Variants in TSPAN9 observed in about 807,000 individuals in gnomAD.
TSPAN9 encodes tetraspanin-9.
TSPAN9 carries 16 observed loss-of-function variants against 31.0 expected under a neutral mutation model. The ratio of observed to expected loss-of-function variants is 0.52; its 90% CI spans 0.35 to 0.78. The LOEUF (loss-of-function observed/expected upper bound fraction) is 0.78, where lower values mean the gene tolerates loss of function less well. Ranked by LOEUF, TSPAN9 falls within the 30% of genes least tolerant of loss-of-function variation. TSPAN9 has a pLI of 0.01. For synonymous variants in TSPAN9, 145 were observed against 121.6 expected, an observed-to-expected ratio of 1.19 and a Z score of -1.27; for missense variants, 272 against 312.5, an observed-to-expected ratio of 0.87 and a Z score of 0.98.
chr12:3,241,450 G>C (rs1006732170), intron 3 of TSPAN9, among the ~76,000 whole-genome samples: 34 of 152,152 alleles, frequency 2.2e-4, no homozygotes, highest in African/African-American at 7.7e-4. Context: ...TCATACATGT[G>C]TCAATATAAT....
At chr12:3,197,944 AC>A (rs2098368088) in intron 2 of TSPAN9, among the ~76,000 whole-genome samples, 1 of 13,652 alleles carries the variant, frequency 7.3e-5, no homozygotes, top group African/African-American at 3.1e-4. Flanking sequence ...AGCACAGGCC[AC>A]CACCAGCACA....
At chr12:3,226,652 ATGTGTGTGTGTGTGTGTGTGTGTGTG>A (rs59811095) in intron 3 of TSPAN9, among the ~76,000 whole-genome samples, 1,242 of 95,528 alleles carry the variant, frequency 0.013, 76 homozygotes, top group East Asian at 0.044. Context: ...TTTTATATAT[ATGTGTGTGTGTGTGTGTGTGTGTGTG>A]TGTGTGTGTG....
intron 2 of TSPAN9, among the ~76,000 whole-genome samples, chr12:3,114,791 C>T (rs1182589156): frequency 3.4e-5 from 5 of 146,128 alleles, no homozygotes; most frequent in East Asian, 4.1e-4. Flanking sequence ...TGCAGTGAAC[C>T]GAGGTTGCGC....
intron 3 of TSPAN9, among the ~76,000 whole-genome samples, chr12:3,253,204 C>G (rs1017712972): frequency 1.3e-5 from 2 of 152,186 alleles, no homozygotes; most frequent in African/African-American, 4.8e-5. Context: ...CCAAGCCTGC[C>G]CTAAGCAGGC....
chr12:3,245,365 A>G (rs1165433115), intron 3 of TSPAN9, among the ~76,000 whole-genome samples: 1 of 152,198 alleles, frequency 6.6e-6, no homozygotes, highest in Non-Finnish European at 1.5e-5. Context: ...CACCCTGACC[A>G]TGGAAAGGGA....
chr12:3,190,045 C>A (rs1482937355), intron 2 of TSPAN9, among the ~76,000 whole-genome samples: 1 of 152,202 alleles, frequency 6.6e-6, no homozygotes, highest in Non-Finnish European at 1.5e-5. Context: ...GGCGCTGGTT[C>A]TTCTCCATCT....
At chr12:3,222,204 G>C (rs537948027) in intron 3 of TSPAN9, among the ~76,000 whole-genome samples, 7 of 152,190 alleles carry the variant, frequency 4.6e-5, no homozygotes, top group Non-Finnish European at 8.8e-5. Flanking sequence ...ATGCAGAAGG[G>C]GGGGACGTGG....
At chr12:3,123,624 TA>T (rs34924281) in intron 2 of TSPAN9, among the ~76,000 whole-genome samples, 52,572 of 120,416 alleles carry the variant, frequency 0.44, 10,073 homozygotes, top group Admixed American at 0.55. Context: ...TATTATTATG[TA>T]TTTTTTTTTT....
chr12:3,159,210 C>A (rs919192684), intron 2 of TSPAN9, among the ~76,000 whole-genome samples: 1 of 151,320 alleles, frequency 6.6e-6, no homozygotes, highest in African/African-American at 2.4e-5. Flanking sequence ...GTAGAAAGCA[C>A]ACTAGATTGA....
chr12:3,142,965 C>A (rs972655570), intron 2 of TSPAN9, among the ~76,000 whole-genome samples: 3 of 152,176 alleles, frequency 2.0e-5, no homozygotes, highest in African/African-American at 7.2e-5. Context: ...TTCTCCAGAT[C>A]TTTCATGACC....
At chr12:3,085,581 G>A (rs1403842318) in intron 2 of TSPAN9, among the ~76,000 whole-genome samples, 1 of 152,152 alleles carries the variant, frequency 6.6e-6, no homozygotes, top group Admixed American at 6.6e-5. Flanking sequence ...GACCAGCTCT[G>A]GGGTGGGAGG....
chr12:3,137,402 C>T (rs1375120011), intron 2 of TSPAN9, among the ~76,000 whole-genome samples: 1 of 152,216 alleles, frequency 6.6e-6, no homozygotes, highest in Admixed American at 6.5e-5. Context: ...ACTCCTCGCC[C>T]TTCCCAGAGC....
chr12:3,119,992 C>A (rs780908295), intron 2 of TSPAN9, among the ~76,000 whole-genome samples: 16 of 152,150 alleles, frequency 1.1e-4, no homozygotes, highest in Non-Finnish European at 2.1e-4. Flanking sequence ...CTCTCTGTAG[C>A]GCAAGGAGTT....
chr12:3,221,521 T>G (rs2098384598), intron 3 of TSPAN9, among the ~76,000 whole-genome samples: 1 of 151,210 alleles, frequency 6.6e-6, no homozygotes, highest in South Asian at 2.1e-4. Flanking sequence ...ACCAAGCCCG[T>G]CTAATTTTTG....
chr12:3,282,704 C>T (rs991535288), intron 8 of TSPAN9, among the ~76,000 whole-genome samples: 10 of 152,208 alleles, frequency 6.6e-5, no homozygotes, highest in Admixed American at 1.3e-4. Flanking sequence ...CCTCCCACTC[C>T]CCACCTTGGC....
intron 2 of TSPAN9, among the ~76,000 whole-genome samples, chr12:3,092,714 GTC>G (rs1457780239): frequency 9.8e-5 from 15 of 152,318 alleles, no homozygotes; most frequent in African/African-American, 3.6e-4. Context: ...ATCCAAATGG[GTC>G]TCAGTTGTTT....
chr12:3,237,485 T>G (rs997444824), intron 3 of TSPAN9, among the ~76,000 whole-genome samples: 4 of 152,186 alleles, frequency 2.6e-5, no homozygotes, highest in Non-Finnish European at 5.9e-5. Flanking sequence ...CAAGTTGGCT[T>G]TGCCAAATTC....
intron 2 of TSPAN9, chr12:3,151,483 C>T (rs1004065808): frequency 6.6e-6 from 1 of 152,220 alleles, no homozygotes; most frequent in African/African-American, 2.4e-5. Context: ...TGCCACCAGC[C>T]TTCACATTTG....
chr12:3,254,792 T>C (rs780537939), intron 3 of TSPAN9, among the ~76,000 whole-genome samples: 42 of 152,232 alleles, frequency 2.8e-4, no homozygotes, highest in Non-Finnish European at 5.3e-4. Flanking sequence ...GCTGTCCTTA[T>C]AATATTGATT....
Sources: gnomAD v4.1 joint callset for allele counts (sites outside exome capture counted in the v4.1 genomes callset) on GRCh38, gnomAD v4.1.1 for gene constraint, MANE v1.5 for transcripts, NCBI Gene and HGNC (gene_info 2026-07-23, HGNC 2026-07-21) for gene names.